EPB41L2: variants seen among roughly 807,000 people sequenced by gnomAD.
The protein encoded by EPB41L2 is band 4.1-like protein 2.
Under a neutral mutation model 113.0 loss-of-function variants are expected in EPB41L2, and 43 were observed. The ratio of observed to expected loss-of-function variants is 0.38; its 90% confidence interval spans 0.30 to 0.49. The LOEUF (loss-of-function observed/expected upper bound fraction) is 0.49, where lower values mean the gene tolerates loss of function less well. EPB41L2 is among the 20% of genes least tolerant of loss of function. EPB41L2 has a pLI of 0.95. For missense variants in EPB41L2, 1,147 were observed against 1,223.4 expected (o/e 0.94, Z 0.93); for synonymous variants, 442 against 436.7 (o/e 1.01, Z -0.15).
At chr6:131,030,941 T>C (rs1431859628) in intron 1 of EPB41L2, among the ~76,000 whole-genome samples, 6 of 151,006 alleles carry the variant, frequency 4.0e-5, no homozygotes, top group African/African-American at 1.2e-4. Context: ...GTACAAAAAT[T>C]AGCAAGGCAT....
At chr6:130,913,398 T>C (rs542448424) in intron 4 of EPB41L2, among the ~76,000 whole-genome samples, 1 of 152,290 alleles carries the variant, frequency 6.6e-6, no homozygotes, top group South Asian at 2.1e-4. Flanking sequence ...ACACTCACTT[T>C]CACACTGTAA....
chr6:130,976,215 G>A (rs1778159327), intron 1 of EPB41L2, among the ~76,000 whole-genome samples: 2 of 152,052 alleles, frequency 1.3e-5, no homozygotes, highest in Admixed American at 1.3e-4. Context: ...TTTTAAAAAT[G>A]GTCCACATTT....
At position 131,029,694 on chromosome 6, in the gene EPB41L2, T is replaced by C. The variant is rs556832511; in HGVS notation, c.-15+33461A>G. 4.6e-5 allele frequency among the ~76,000 whole-genome samples: 7 copies of C among 152,292 alleles called. No homozygotes were observed. The South Asian group carries it at 1.4e-3, about 32-fold the overall frequency. ...CTGACTCAGATTTAATACATTTACTTCGGAAAAACTTAGAGATGCCTGTCA... is the reference window on the plus strand; with the variant it reads ...CTGACTCAGATTTAATACATTTACTCCGGAAAAACTTAGAGATGCCTGTCA... On this transcript the variant is annotated intron_variant, in intron 1 of 19. Coordinates refer to ENST00000337057, the MANE Select transcript of EPB41L2 (RefSeq NM_001431.4).
chr6:130,858,006 G>C (rs1442996997), intron 19 of EPB41L2, 125 bp downstream of exon 19: 1 of 763,664 alleles, frequency 1.3e-6, no homozygotes, highest in Non-Finnish European at 2.3e-6. Flanking sequence ...GATGATAACA[G>C]TCTAGAAAGT....
At chr6:130,887,924 C>T (rs991890531) in intron 11 of EPB41L2, among the ~76,000 whole-genome samples, 2 of 151,910 alleles carry the variant, frequency 1.3e-5, no homozygotes, top group African/African-American at 4.8e-5. Flanking sequence ...GAGGGGACTC[C>T]CTGTCCTAAA....
intron 4 of EPB41L2, among the ~76,000 whole-genome samples, chr6:130,923,432 T>TAAC (rs1562495603): frequency 6.6e-6 from 1 of 152,192 alleles, no homozygotes; most frequent in Non-Finnish European, 1.5e-5. Flanking sequence ...TGAGCCTTGT[T>TAAC]AACACCCAGT....
chr6:130,965,363 C>T (rs1168672605), intron 1 of EPB41L2, among the ~76,000 whole-genome samples: 3 of 152,116 alleles, frequency 2.0e-5, no homozygotes, highest in Non-Finnish European at 2.9e-5. Context: ...CAGGAAATCA[C>T]ACAATGAATG....
In EPB41L2 at chr6:130,901,195, G is replaced by C. The variant is rs1360981439; in HGVS notation, c.930-15C>G. 1.2e-6 allele frequency: 2 copies of C among 1,610,224 alleles called. No homozygotes were observed. The highest frequency in any genetic ancestry group is 1.3e-5 in the African/African-American group (1 of 74,814). ...ACAAGAAGTATCTGTGAGGAGCAGA[G>C]GGAGAAATGGGTCAGGGGAGAACCA... On this transcript the variant is annotated splice_polypyrimidine_tract_variant and intron_variant, in intron 6 of 19. Coordinates refer to ENST00000337057, the MANE Select transcript of EPB41L2 (RefSeq NM_001431.4).
At chr6:130,936,700 A>T (rs1251775019) in intron 3 of EPB41L2, among the ~76,000 whole-genome samples, 2 of 152,226 alleles carry the variant, frequency 1.3e-5, no homozygotes, top group African/African-American at 4.8e-5. Context: ...TCAGGATTTT[A>T]AAATATAATA....
At chr6:130,961,301 C>G (rs1773455769) in intron 1 of EPB41L2, among the ~76,000 whole-genome samples, 1 of 152,192 alleles carries the variant, frequency 6.6e-6, no homozygotes, top group Non-Finnish European at 1.5e-5. Flanking sequence ...CATGCTCCAT[C>G]TGGGTTGATA....
At chr6:131,019,412 A>C (rs1351891993) in intron 1 of EPB41L2, among the ~76,000 whole-genome samples, 1 of 152,158 alleles carries the variant, frequency 6.6e-6, no homozygotes, top group Non-Finnish European at 1.5e-5. Context: ...GATCATTTCT[A>C]TTCTTGTCAT....
At chr6:130,854,695 A>G (rs192047994) in intron 19 of EPB41L2, among the ~76,000 whole-genome samples, 1 of 152,326 alleles carries the variant, frequency 6.6e-6, no homozygotes, top group Non-Finnish European at 1.5e-5. Flanking sequence ...ATGTTTGTAT[A>G]ACACTCACTT....
chr6:131,010,417 T>A (rs1451635645), intron 1 of EPB41L2, among the ~76,000 whole-genome samples: 1 of 150,766 alleles, frequency 6.6e-6, no homozygotes. Context: ...TTAATTAATT[T>A]TTTTTTTTTT....
chr6:131,018,343 A>T (rs1788708354), intron 1 of EPB41L2, among the ~76,000 whole-genome samples: 1 of 152,112 alleles, frequency 6.6e-6, no homozygotes, highest in Non-Finnish European at 1.5e-5. Flanking sequence ...CTCACATCTC[A>T]TTGGCCACCA....
At chr6:130,850,212 T>C (rs1778386264) in intron 19 of EPB41L2, among the ~76,000 whole-genome samples, 1 of 152,148 alleles carries the variant, frequency 6.6e-6, no homozygotes, top group South Asian at 2.1e-4. Context: ...CACTCCAGTC[T>C]GCGCGACAAG....
intron 1 of EPB41L2, among the ~76,000 whole-genome samples, chr6:131,057,668 T>C (rs1035066467): frequency 6.6e-6 from 1 of 152,186 alleles, no homozygotes; most frequent in African/African-American, 2.4e-5. Flanking sequence ...TATGACAAGC[T>C]TTTTAAAACC....
chr6:130,890,553 T>C, intron 10 of EPB41L2, 87 bp from the exon 11 acceptor site: 1 of 1,423,062 alleles, frequency 7.0e-7, no homozygotes, highest in Non-Finnish European at 9.4e-7. Flanking sequence ...ACTTTAAAGC[T>C]ATGTACTTTC....
At chr6:130,996,401 G>C (rs773135152) in intron 1 of EPB41L2, among the ~76,000 whole-genome samples, 2 of 152,128 alleles carry the variant, frequency 1.3e-5, no homozygotes, top group Non-Finnish European at 2.9e-5. Context: ...CTCCAGGACG[G>C]GTCAGGGCTT....
intron 1 of EPB41L2, among the ~76,000 whole-genome samples, chr6:131,045,124 C>T (rs1411983330): frequency 6.6e-6 from 1 of 152,114 alleles, no homozygotes. Context: ...GTTATTTCTA[C>T]GGCTAGTTCT....
Sources: allele counts gnomAD v4.1 joint callset (sites outside exome capture counted in the v4.1 genomes callset), GRCh38; gene constraint gnomAD v4.1.1; transcripts MANE v1.5; gene names NCBI Gene and HGNC (gene_info 2026-07-23, HGNC 2026-07-21).